The following IL1RAPL1 variants were observed in gnomAD, a reference collection of about 807,000 sequenced individuals.
IL1RAPL1 encodes interleukin 1 receptor accessory protein like 1, also known as interleukin-1 receptor accessory protein-like 1.
IL1RAPL1 carries 3 observed loss-of-function variants against 48.4 expected under a neutral mutation model. That is an observed-to-expected ratio of 0.06 (90% confidence interval 0.03 to 0.16). The LOEUF is 0.16. Among genes scored for constraint, IL1RAPL1 ranks in the 10% least tolerant of loss-of-function variants. The pLI is 1.00. For synonymous variants in IL1RAPL1, 185 were observed against 187.7 expected, an observed-to-expected ratio of 0.99 and a Z score of 0.12; for missense variants, 349 against 530.6, an observed-to-expected ratio of 0.66 and a Z score of 3.36.
Position 29,955,429 on chromosome X carries a change from T to C in IL1RAPL1, c.1700T>C (p.Ile567Thr). 4 of 1,211,099 alleles carry C rather than the reference T, an allele frequency of 3.3e-6. No homozygotes were observed. Among genetic ancestry groups the C allele is most frequent in the Non-Finnish European group, 4.5e-6 (4 of 895,309 alleles). Residue 567 changes from isoleucine (I) to threonine (T), a missense_variant, in exon 11 of 11, where the codon ATT becomes ACT. Transcript: ENST00000378993. ...ATGCCTTTTAAGAGGATAGAACCCA[T>C]TACACATGAGCAGGCTTTAGATGTC... is the stretch of plus-strand genomic sequence containing the variant. ...YEMPFKRIEP[I>T]THEQALDVSE...
intron 5 of IL1RAPL1, among the ~76,000 whole-genome samples, chrX:29,476,872 C>CTTTTTTTTTTTTTA: frequency 1.9e-5 from 1 of 53,901 alleles, no homozygotes; most frequent in Admixed American, 1.7e-4. Flanking sequence ...TACCCATATT[C>CTTTTTTTTTTTTTA]TTTTTTTTTT....
At chrX:29,569,706 C>G (rs1352758865) in intron 5 of IL1RAPL1, among the ~76,000 whole-genome samples, 2 of 110,351 alleles carry the variant, frequency 1.8e-5, no homozygotes, top group African/African-American at 6.6e-5. Context: ...GAGAAAAATT[C>G]ACGTTTGCCT....
chrX:29,152,399 A>G (rs193281629), intron 2 of IL1RAPL1, among the ~76,000 whole-genome samples: 1 of 111,665 alleles, frequency 9.0e-6, no homozygotes, highest in African/African-American at 3.3e-5. Flanking sequence ...TTCATCCTTC[A>G]TGCCTTTCTC....
chrX:29,459,602 AG>A (rs1381110752), intron 5 of IL1RAPL1, among the ~76,000 whole-genome samples: 1 of 111,695 alleles, frequency 9.0e-6, no homozygotes, highest in Non-Finnish European at 1.9e-5. Context: ...TCTAAAAAAG[AG>A]GTTGTTGAGG....
At chrX:28,955,928 A>G (rs1181567277) in intron 2 of IL1RAPL1, among the ~76,000 whole-genome samples, 11 of 88,773 alleles carry the variant, frequency 1.2e-4, no homozygotes, top group Non-Finnish European at 2.0e-4. Flanking sequence ...ATTTGTTTGT[A>G]TCCTCTTTTA....
At chrX:29,796,394 C>T (rs1357855405) in intron 6 of IL1RAPL1, among the ~76,000 whole-genome samples, 1 of 112,142 alleles carries the variant, frequency 8.9e-6, no homozygotes, top group Non-Finnish European at 1.9e-5. Flanking sequence ...TCAACCACAA[C>T]ATTCAAAGCA....
At chrX:29,872,836 A>G (rs1230275543) in intron 6 of IL1RAPL1, among the ~76,000 whole-genome samples, 1 of 112,610 alleles carries the variant, frequency 8.9e-6, no homozygotes, top group Non-Finnish European at 1.9e-5. Flanking sequence ...CAAAATCAGA[A>G]TTCTAGTTCT....
At chrX:29,228,008 A>G (rs1180653820) in intron 2 of IL1RAPL1, among the ~76,000 whole-genome samples, 2 of 110,464 alleles carry the variant, frequency 1.8e-5, no homozygotes, top group Non-Finnish European at 3.8e-5. Context: ...ATAGATAATA[A>G]TACAAATACT....
At chrX:28,932,583 C>T (rs1010140937) in intron 2 of IL1RAPL1, among the ~76,000 whole-genome samples, 1 of 110,853 alleles carries the variant, frequency 9.0e-6, no homozygotes, top group African/African-American at 3.3e-5. Context: ...AACAATTAAC[C>T]TAGATATAGA....
intron 3 of IL1RAPL1, among the ~76,000 whole-genome samples, chrX:29,391,786 C>G (rs988236745): frequency 2.7e-5 from 3 of 111,492 alleles, no homozygotes; most frequent in Non-Finnish European, 3.8e-5. Context: ...TGTGTGCTAA[C>G]CCAGCACCAA....
At chrX:29,723,981 A>G (rs983670570) in intron 6 of IL1RAPL1, among the ~76,000 whole-genome samples, 1 of 109,984 alleles carries the variant, frequency 9.1e-6, no homozygotes, top group African/African-American at 3.3e-5. Flanking sequence ...TGCCCAGCTA[A>G]GTTTTGTATT....
intron 6 of IL1RAPL1, among the ~76,000 whole-genome samples, chrX:29,752,076 G>GTGTGTATATATA (rs1391674592): frequency 1.1e-5 from 1 of 89,484 alleles, no homozygotes; most frequent in Non-Finnish European, 2.1e-5. Context: ...ATATATGTGT[G>GTGTGTATATATA]TATGTATATA....
At chrX:29,524,821 G>C (rs1935537152) in intron 5 of IL1RAPL1, among the ~76,000 whole-genome samples, 1 of 112,224 alleles carries the variant, frequency 8.9e-6, no homozygotes, top group African/African-American at 3.2e-5. Flanking sequence ...AGCTTTCAAA[G>C]TGGCCATTAA....
chrX:29,892,318 G>A (rs1932288441), intron 6 of IL1RAPL1, among the ~76,000 whole-genome samples: 1 of 111,586 alleles, frequency 9.0e-6, no homozygotes, highest in African/African-American at 3.3e-5. Flanking sequence ...ACCCTCAGAG[G>A]ACAAGAAAAA....
At chrX:29,678,889 A>C (rs1926367934) in intron 6 of IL1RAPL1, among the ~76,000 whole-genome samples, 1 of 108,526 alleles carries the variant, frequency 9.2e-6, no homozygotes, top group Non-Finnish European at 1.9e-5. Context: ...CAAGCATGAC[A>C]AAAAGCCAGG....
In IL1RAPL1 at chrX:29,638,411, C is replaced by T. The variant is rs776674963; in HGVS notation, c.704-30019C>T. 2.7e-5 allele frequency among the ~76,000 whole-genome samples: 3 copies of T among 110,982 alleles called. No homozygotes were observed. The South Asian group carries it at 1.2e-3, about 43-fold the overall frequency. ...TCAGCAATTAACATTTAGTAAACAC[C>T]TTCTGGGTCCATAGTAGAATGTCAG... On this transcript the variant is annotated intron_variant, in intron 5 of 10. Coordinates refer to ENST00000378993, the MANE Select transcript of IL1RAPL1 (RefSeq NM_014271.4).
At chrX:28,881,409 A>C (rs1383581550) in intron 2 of IL1RAPL1, among the ~76,000 whole-genome samples, 2 of 111,228 alleles carry the variant, frequency 1.8e-5, no homozygotes, top group Non-Finnish European at 3.8e-5. Flanking sequence ...TTAAAGAGTT[A>C]TTTTCTCTGT....
At chrX:28,855,477 G>A (rs752758320) in intron 2 of IL1RAPL1, among the ~76,000 whole-genome samples, 125 of 111,740 alleles carry the variant, frequency 1.1e-3, no homozygotes, top group Non-Finnish European at 2.1e-3. Context: ...GAAGGGGGAA[G>A]TAATGGAATA....
At position 29,080,994 on chromosome X, in the gene IL1RAPL1, TTC is replaced by T. The variant is rs201299964; in HGVS notation, c.83-201918_83-201917del. 4.7e-3 allele frequency among the ~76,000 whole-genome samples: 125 copies of T among 26,427 alleles called. 3 individuals are homozygous for T. Among genetic ancestry groups the T allele is most frequent in the South Asian group, 6.2e-3 (2 of 323 alleles). 22.9% of individuals were successfully genotyped at this position (26,427 alleles called of 115,157 possible). On this transcript the variant is annotated intron_variant, in intron 2 of 10. Coordinates refer to ENST00000378993, the MANE Select transcript of IL1RAPL1 (RefSeq NM_014271.4). ...TTTCTTTCTTTCTTTCTTTCTTTCTTTCTCTCTCTCTCTCTCTCTCTCTCTCT... is the reference window on the plus strand; with the variant it reads ...TTTCTTTCTTTCTTTCTTTCTTTCTTTCTCTCTCTCTCTCTCTCTCTCTCT...
Sources: allele counts gnomAD v4.1 joint callset (sites outside exome capture counted in the v4.1 genomes callset), GRCh38; gene constraint gnomAD v4.1.1; transcripts MANE v1.5; gene names NCBI Gene and HGNC (gene_info 2026-07-23, HGNC 2026-07-21).